SREBF2: variants seen among roughly 807,000 people sequenced by gnomAD.
The protein encoded by SREBF2 is sterol regulatory element binding transcription factor 2.
In SREBF2, 55 loss-of-function variants were observed where a neutral mutation model predicts 113.1. That is an observed-to-expected ratio of 0.49 (90% confidence interval 0.39 to 0.61). The LOEUF (loss-of-function observed/expected upper bound fraction) is 0.61, where lower values mean the gene tolerates loss of function less well. Among genes scored for constraint, SREBF2 ranks in the 20% least tolerant of loss-of-function variants. SREBF2 has a pLI of 0.00. For missense variants in SREBF2, 1,349 were observed against 1,487.4 expected (o/e 0.91, Z 1.53); for synonymous variants, 593 against 605.7 (o/e 0.98, Z 0.31).
chr22:41,860,016 A>G (rs1025821068), intron 1 of SREBF2, among the ~76,000 whole-genome samples: 4 of 151,718 alleles, frequency 2.6e-5, no homozygotes, highest in Admixed American at 6.6e-5. Flanking sequence ...CGTGTTAGCC[A>G]GGATGGTCTC....
intron 1 of SREBF2, among the ~76,000 whole-genome samples, chr22:41,863,784 C>T (rs930851774): frequency 2.0e-5 from 3 of 152,104 alleles, no homozygotes; most frequent in African/African-American, 7.2e-5. Flanking sequence ...ACTTAAGGTG[C>T]CCAGATTGAA....
Position 41,893,167 on chromosome 22 carries a change from T to C in SREBF2, c.2259T>C (p.Ala753=). ...GCCTGTGTGGCCCCGAGCACAGTGC[T>C]GTTCCTGACTCCCTGCGCTGGCTCT... ...AQSLCGPEHS[A]VPDSLRWLCH... Residue 753 remains alanine (A), a synonymous_variant, in exon 12 of 19, where the codon GCT becomes GCC. Coordinates refer to ENST00000361204, the MANE Select transcript of SREBF2 (RefSeq NM_004599.4). The C allele has an allele frequency of 6.2e-7, 1 of 1,614,156 alleles. No individual in the cohort carries two copies. Among genetic ancestry groups the C allele is most frequent in the Non-Finnish European group, 8.5e-7 (1 of 1,180,034 alleles).
intron 1 of SREBF2, among the ~76,000 whole-genome samples, chr22:41,865,356 C>T (rs78302660): frequency 0.031 from 4,734 of 151,920 alleles, 97 homozygotes; most frequent in Middle Eastern, 0.078. Context: ...TTCTTGGGAA[C>T]GTATTGGAGA....
chr22:41,866,252 A>G (rs549947406), intron 1 of SREBF2, among the ~76,000 whole-genome samples: 6 of 152,278 alleles, frequency 3.9e-5, no homozygotes, highest in Admixed American at 1.3e-4. Flanking sequence ...GATCAAAACA[A>G]TCAGGAAAAA....
At chr22:41,885,050 A>G (rs2077287474) in intron 11 of SREBF2, 39 bp downstream of exon 11, 2 of 1,611,052 alleles carry the variant, frequency 1.2e-6, no homozygotes, top group East Asian at 2.2e-5. Flanking sequence ...ACCTCCCCTG[A>G]GCACTTACCT....
chr22:41,905,413 G>A (rs754830238), intron 18 of SREBF2, 27 bp from the exon 19 acceptor site: 2 of 1,550,170 alleles, frequency 1.3e-6, no homozygotes, highest in Admixed American at 3.8e-5. Context: ...TAGATTCTCG[G>A]TTGTGACACA....
intron 16 of SREBF2, chr22:41,900,974 C>G (rs370992491): frequency 2.4e-5 from 13 of 532,936 alleles, no homozygotes; most frequent in Non-Finnish European, 5.0e-5. Flanking sequence ...ATTGCATGTT[C>G]TGGTGGTACC....
chr22:41,901,196 G>A (rs1158177318), intron 16 of SREBF2, among the ~76,000 whole-genome samples: 4 of 152,212 alleles, frequency 2.6e-5, no homozygotes, highest in African/African-American at 9.6e-5. Context: ...CTTAGCTCCA[G>A]AGTGGGAGGG....
intron 16 of SREBF2, among the ~76,000 whole-genome samples, chr22:41,901,853 T>G (rs1179495075): frequency 6.6e-6 from 1 of 152,226 alleles, no homozygotes. Flanking sequence ...CTGGGGTTCC[T>G]TGGTAGCAGC....
intron 12 of SREBF2, 69 bp from the exon 13 acceptor site, chr22:41,894,751 C>A: frequency 7.3e-7 from 1 of 1,362,926 alleles, no homozygotes; most frequent in South Asian, 1.2e-5. Context: ...TTTGGAGTTT[C>A]TCTCCGTAAA....
intron 9 of SREBF2, 124 bp from the exon 10 acceptor site, chr22:41,880,592 C>A: frequency 1.6e-6 from 2 of 1,272,524 alleles, no homozygotes; most frequent in South Asian, 2.4e-5. Flanking sequence ...TCTGAAGTTT[C>A]CCTCGTTTTT....
At position 41,894,797 on chromosome 22, in the gene SREBF2, C is replaced by A. The variant is rs1044570205; in HGVS notation, c.2378-23C>A. On this transcript the variant is annotated intron_variant, in intron 12 of 18. Coordinates refer to ENST00000361204, the MANE Select transcript of SREBF2 (RefSeq NM_004599.4). ...GCTCATAAATGAGCTCCATTTAACCCCCCTTGCCTGTCTCTTTTCCAGCTG... is the reference window on the plus strand; with the variant it reads ...GCTCATAAATGAGCTCCATTTAACCACCCTTGCCTGTCTCTTTTCCAGCTG... 5.6e-6 allele frequency: 9 copies of A among 1,604,990 alleles called. No homozygotes were observed. The African/African-American group carries it at 1.2e-4, about 21-fold the overall frequency.
In SREBF2 at chr22:41,873,826, T is replaced by C; in HGVS notation, c.896T>C (p.Leu299Pro). The C allele has an allele frequency of 6.2e-7, 1 of 1,611,420 alleles. No individual in the cohort carries two copies. The highest frequency in any genetic ancestry group is 8.5e-7 in the Non-Finnish European group (1 of 1,178,758). The stretch of plus-strand genomic sequence containing the variant: ...CTGGTGGGCAGCAGTGGGACCATTC[T>C]GACCACAATGCCTGTAATGATGGGG... ...PTLVGSSGTI[L>P]TTMPVMMGQE... The change falls in exon 5 of 19, where the codon CTG becomes CCG. Residue 299 changes from leucine (L) to proline (P), a missense_variant. Transcript: ENST00000361204.
chr22:41,893,901 G>A (rs776573257), intron 12 of SREBF2, among the ~76,000 whole-genome samples: 34 of 152,178 alleles, frequency 2.2e-4, no homozygotes, highest in Non-Finnish European at 4.0e-4. Flanking sequence ...GCTTTCTGCT[G>A]TACTTTTCCT....
rs765138592 is a variant in SREBF2, at chr22:41,870,983, C to T, written c.815C>T (p.Pro272Leu). 7 of 1,614,108 alleles carry T rather than the reference C, an allele frequency of 4.3e-6. No individual in the cohort carries two copies. The highest frequency in any genetic ancestry group is 5.1e-6 in the Non-Finnish European group (6 of 1,180,012). The change falls in exon 4 of 19, where the codon CCG becomes CTG. Residue 272 changes from proline to leucine, a missense_variant. By Grantham distance (98) the Pro-to-Leu change is moderately conservative. Coordinates refer to ENST00000361204, the MANE Select transcript of SREBF2 (RefSeq NM_004599.4). ...GSPVMAAVQN[P>L]ALTALTTPIQ... ...CCTGTTATGGCTGCGGTCCAGAACC[C>T]GGCCCTCACCGCCCTCACCACCCCT...
intron 5 of SREBF2, among the ~76,000 whole-genome samples, chr22:41,874,830 C>T (rs1602314261): frequency 6.6e-6 from 1 of 152,214 alleles, no homozygotes; most frequent in Middle Eastern, 3.4e-3. Flanking sequence ...TTGTTTGAAC[C>T]TGGGAGGCAG....
chr22:41,897,011 A>G (rs530037122), intron 13 of SREBF2, 41 bp from the exon 14 acceptor site: 19 of 1,425,214 alleles, frequency 1.3e-5, no homozygotes, highest in Middle Eastern at 1.8e-4. Flanking sequence ...GGCCTTGTGT[A>G]TATGTTTTGA....
chr22:41,850,639 C>A (rs2076919399), intron 1 of SREBF2, among the ~76,000 whole-genome samples: 1 of 152,248 alleles, frequency 6.6e-6, no homozygotes. Context: ...TCAGACAAAC[C>A]TAAATATAGA....
chr22:41,897,204 C>G, intron 14 of SREBF2, 43 bp downstream of exon 14: 2 of 1,351,322 alleles, frequency 1.5e-6, no homozygotes, highest in Non-Finnish European at 2.1e-6. Context: ...GTGCTCAGTT[C>G]AGGTCTTCAC....
Sources: allele counts gnomAD v4.1 joint callset (sites outside exome capture counted in the v4.1 genomes callset), GRCh38; gene constraint gnomAD v4.1.1; transcripts MANE v1.5; gene names NCBI Gene and HGNC (gene_info 2026-07-23, HGNC 2026-07-21).